The following DOCK4 variants were observed in gnomAD, a reference collection of about 807,000 sequenced individuals.
DOCK4 encodes dedicator of cytokinesis 4.
DOCK4 carries 97 observed loss-of-function variants against 268.1 expected under a neutral mutation model. The observed-to-expected ratio is 0.36, with a 90% CI of 0.31 to 0.43. DOCK4 has a LOEUF of 0.43. Ranked by LOEUF, DOCK4 falls within the 20% of genes least tolerant of loss-of-function variation. The pLI, the probability that DOCK4 is intolerant of heterozygous loss-of-function variation, is 1.00. For synonymous variants in DOCK4, 954 were observed against 887.2 expected (o/e 1.08, Z -1.34); for missense variants, 2,145 against 2,455.7 (o/e 0.87, Z 2.67).
At chr7:111,837,799 A>G (rs1314252980) in intron 25 of DOCK4, among the ~76,000 whole-genome samples, 3 of 152,120 alleles carry the variant, frequency 2.0e-5, no homozygotes, top group Non-Finnish European at 4.4e-5. Context: ...TTAAGATGTC[A>G]ATTTTGGCTG....
At chr7:112,110,058 G>A (rs1012144026) in intron 1 of DOCK4, among the ~76,000 whole-genome samples, 17 of 152,174 alleles carry the variant, frequency 1.1e-4, no homozygotes, top group Non-Finnish European at 2.2e-4. Context: ...AATCATCTTT[G>A]AACACAGCAT....
At chr7:112,029,746 C>T (rs1803117157) in intron 1 of DOCK4, among the ~76,000 whole-genome samples, 2 of 152,190 alleles carry the variant, frequency 1.3e-5, no homozygotes, top group Admixed American at 6.5e-5. Context: ...CATGTGTCCA[C>T]AGAAGGAGAT....
At chr7:112,192,043 T>C (rs2116801711) in intron 1 of DOCK4, among the ~76,000 whole-genome samples, 1 of 148,192 alleles carries the variant, frequency 6.7e-6, no homozygotes, top group Admixed American at 6.8e-5. Flanking sequence ...TTAAATATAG[T>C]ATATATACAG....
chr7:112,062,493 C>G (rs1025182272), intron 1 of DOCK4, among the ~76,000 whole-genome samples: 9 of 152,174 alleles, frequency 5.9e-5, no homozygotes, highest in Admixed American at 5.2e-4. Flanking sequence ...TATAGCATCT[C>G]TTGATGAACA....
intron 16 of DOCK4, among the ~76,000 whole-genome samples, chr7:111,891,528 AT>A (rs1808287998): frequency 6.6e-6 from 1 of 152,202 alleles, no homozygotes. Context: ...TGTTTTCCAT[AT>A]TTTAAGCAAT....
chr7:111,920,587 T>C (rs80194208), intron 12 of DOCK4, among the ~76,000 whole-genome samples: 6,053 of 152,228 alleles, frequency 0.04, 368 homozygotes, highest in East Asian at 0.29. Flanking sequence ...CCTCACCTGC[T>C]ATCTCTGGGG....
intron 1 of DOCK4, among the ~76,000 whole-genome samples, chr7:112,102,245 T>C (rs539700411): frequency 2.4e-4 from 37 of 152,160 alleles, no homozygotes; most frequent in Admixed American, 3.9e-4. Context: ...GTTAACAACA[T>C]CTAATTAATA....
intron 7 of DOCK4, among the ~76,000 whole-genome samples, chr7:111,979,870 T>C (rs1798477920): frequency 2.6e-5 from 4 of 152,204 alleles, no homozygotes. Context: ...TTCTCAACCT[T>C]GGCTGCAGTT....
intron 30 of DOCK4, among the ~76,000 whole-genome samples, chr7:111,791,503 G>A (rs1799548144): frequency 6.6e-6 from 1 of 151,362 alleles, no homozygotes; most frequent in African/African-American, 2.4e-5. Flanking sequence ...AGGCTGGAGT[G>A]CAGTGACACA....
chr7:111,842,141 C>A (rs1803749588), intron 25 of DOCK4, among the ~76,000 whole-genome samples: 1 of 152,126 alleles, frequency 6.6e-6, no homozygotes. Flanking sequence ...CTGCTAAGTA[C>A]AACTAAAAAC....
rs146067435 is a variant in DOCK4 at position 112,081,233 on chromosome 7, G to A, written c.38-77102C>T. On this transcript the variant is annotated intron_variant, in intron 1 of 52. Coordinates refer to ENST00000428084, the MANE Select transcript of DOCK4 (RefSeq NM_001363540.2). Reference sequence around the variant, plus strand: ...GCAATTCAAGGAAGTAGTGAGGTTTGGAGGAGACACACAGAATGCAGGCAA... The same window carrying A: ...GCAATTCAAGGAAGTAGTGAGGTTTAGAGGAGACACACAGAATGCAGGCAA... Among the ~76,000 whole-genome samples, 429 of 152,246 alleles carry A rather than the reference G, an allele frequency of 2.8e-3. 4 individuals carry two copies. The highest frequency in any genetic ancestry group is 9.7e-3 in the African/African-American group (404 of 41,556).
chr7:111,913,485 C>T (rs1428390417), intron 13 of DOCK4, among the ~76,000 whole-genome samples: 1 of 150,812 alleles, frequency 6.6e-6, no homozygotes, highest in African/African-American at 2.4e-5. Flanking sequence ...TCTCCGCTCA[C>T]TGCAAGCTCC....
intron 16 of DOCK4, among the ~76,000 whole-genome samples, chr7:111,885,717 T>A (rs1464356466): frequency 1.3e-5 from 2 of 150,750 alleles, no homozygotes; most frequent in Non-Finnish European, 3.0e-5. Flanking sequence ...TAAAATGGCA[T>A]GGAGATAATT....
At chr7:111,973,289 T>C (rs1797883805) in intron 8 of DOCK4, among the ~76,000 whole-genome samples, 1 of 151,678 alleles carries the variant, frequency 6.6e-6, no homozygotes, top group Non-Finnish European at 1.5e-5. Context: ...GCAAGTATCT[T>C]TTTCGTATAC....
At chr7:112,002,193 G>T (rs1800480340) in intron 2 of DOCK4, among the ~76,000 whole-genome samples, 2 of 152,084 alleles carry the variant, frequency 1.3e-5, no homozygotes, top group South Asian at 4.1e-4. Context: ...ATCAGTCTGA[G>T]GAGAGCAGAA....
rs12112129 is a variant in DOCK4 at position 112,024,174 on chromosome 7, T to A, written c.38-20043A>T. On this transcript the variant is annotated intron_variant, in intron 1 of 52. Coordinates refer to ENST00000428084, the MANE Select transcript of DOCK4 (RefSeq NM_001363540.2). ...ACATAAAATGACTTCATAAAAATAA[T>A]CAATGTGCCTTAAAAATGTAATGAT... Among the ~76,000 whole-genome samples, 271 of 152,290 alleles carry A rather than the reference T, an allele frequency of 1.8e-3. 3 individuals carry two copies. Among genetic ancestry groups the A allele is most frequent in the African/African-American group, 6.2e-3 (257 of 41,568 alleles).
chr7:112,000,898 T>A (rs996779367), intron 2 of DOCK4, among the ~76,000 whole-genome samples: 4 of 152,198 alleles, frequency 2.6e-5, no homozygotes, highest in African/African-American at 9.7e-5. Flanking sequence ...TCCCATTTTA[T>A]GAAAGGCCAC....
intron 1 of DOCK4, among the ~76,000 whole-genome samples, chr7:112,096,093 T>G (rs143996263): frequency 6.6e-6 from 1 of 152,088 alleles, no homozygotes; most frequent in Non-Finnish European, 1.5e-5. Context: ...CTTTGTCTCG[T>G]AATAAATAAA....
intron 1 of DOCK4, among the ~76,000 whole-genome samples, chr7:112,115,954 C>T (rs969797789): frequency 6.6e-5 from 10 of 152,214 alleles, no homozygotes; most frequent in Admixed American, 2.0e-4. Context: ...GCTAGAATTA[C>T]AGGCATGAGC....
Sources: gnomAD v4.1 joint callset for allele counts (sites outside exome capture counted in the v4.1 genomes callset) on GRCh38, gnomAD v4.1.1 for gene constraint, MANE v1.5 for transcripts, NCBI Gene and HGNC (gene_info 2026-07-23, HGNC 2026-07-21) for gene names.